LYPLAL1: variants seen among roughly 807,000 people sequenced by gnomAD.
The protein encoded by LYPLAL1 is lysophospholipase like 1, also known as lysophospholipase-like protein 1.
In LYPLAL1, 23 loss-of-function variants were observed where a neutral mutation model predicts 19.7. The ratio of observed to expected loss-of-function variants is 1.17; its 90% CI spans 0.84 to 1.65. LYPLAL1 has a LOEUF of 1.65. LYPLAL1 is among the 40% of genes most tolerant of loss of function. LYPLAL1 has a pLI of 0.00. For missense variants in LYPLAL1, 355 were observed against 279.4 expected, an observed-to-expected ratio of 1.27 and a Z score of -1.93; for synonymous variants, 119 against 96.3, an observed-to-expected ratio of 1.24 and a Z score of -1.38.
chr1:219,376,765 T>C, the LYPLAL1 span, among the ~76,000 whole-genome samples: 4 of 152,142 alleles, frequency 2.6e-5, no homozygotes, highest in African/African-American at 9.7e-5. Flanking sequence ...CAATGAGATA[T>C]CACTTCACGA....
the LYPLAL1 span, among the ~76,000 whole-genome samples, chr1:219,230,014 C>A: frequency 6.6e-6 from 1 of 152,226 alleles, no homozygotes; most frequent in African/African-American, 2.4e-5. Context: ...CTTTTAGTCA[C>A]GTAAATAAAA....
the LYPLAL1 span, among the ~76,000 whole-genome samples, chr1:219,239,483 A>C: frequency 6.6e-6 from 1 of 152,212 alleles, no homozygotes; most frequent in Non-Finnish European, 1.5e-5. Context: ...ATGACAATGA[A>C]ATTTTCTTTA....
chr1:219,426,416 G>C, the LYPLAL1 span, among the ~76,000 whole-genome samples: 7 of 152,152 alleles, frequency 4.6e-5, no homozygotes, highest in Admixed American at 1.3e-4. Flanking sequence ...TTGTATGACT[G>C]AGATTTTGCT....
chr1:219,330,450 T>C, the LYPLAL1 span, among the ~76,000 whole-genome samples: 2 of 152,202 alleles, frequency 1.3e-5, no homozygotes, highest in African/African-American at 4.8e-5. Context: ...TGCTAATTGC[T>C]TCTAGAGCAA....
the LYPLAL1 span, among the ~76,000 whole-genome samples, chr1:219,269,074 C>A: frequency 6.6e-6 from 1 of 152,226 alleles, no homozygotes; most frequent in Non-Finnish European, 1.5e-5. Flanking sequence ...CCATGGCCAG[C>A]AGTCTCTTCT....
rs372004280 is a variant in LYPLAL1, at chr1:219,193,095, A to G, written c.205A>G (p.Met69Val). ...GTTGTTAAACAGATCATATACTCCTATGAAAGGAGGAATCTCCAATGTATG... is the reference window on the plus strand; with the variant it reads ...GTTGTTAAACAGATCATATACTCCTGTGAAAGGAGGAATCTCCAATGTATG... ...PTAPPRSYTP[M>V]KGGISNVWFD... Residue 69 changes from methionine to valine, a missense_variant, in exon 3 of 5, where the codon ATG becomes GTG. Met to Val is a conservative substitution (Grantham distance 21). Transcript: ENST00000366928. The G allele has an allele frequency of 1.6e-5, 26 of 1,599,584 alleles. No homozygotes were observed. Among genetic ancestry groups the G allele is most frequent in the African/African-American group, 2.7e-5 (2 of 73,098 alleles).
the LYPLAL1 span, among the ~76,000 whole-genome samples, chr1:219,322,929 T>C: frequency 8.5e-5 from 13 of 152,228 alleles, no homozygotes; most frequent in African/African-American, 3.1e-4. Flanking sequence ...CTTTTCCCTT[T>C]GTTTCTACAT....
chr1:219,288,488 AGAAAATTTTCAGGGCAGT>A, the LYPLAL1 span, among the ~76,000 whole-genome samples: 1 of 152,226 alleles, frequency 6.6e-6, no homozygotes, highest in African/African-American at 2.4e-5. Context: ...ATTTATCTAC[AGAAAATTTTCAGGGCAGT>A]GAAAATTTTC....
chr1:219,360,501 A>G, the LYPLAL1 span, among the ~76,000 whole-genome samples: 2 of 152,204 alleles, frequency 1.3e-5, no homozygotes, highest in African/African-American at 4.8e-5. Flanking sequence ...AGAAAAGACC[A>G]TAATTATTTT....
At chr1:219,421,788 A>G in the LYPLAL1 span, among the ~76,000 whole-genome samples, 2 of 152,176 alleles carry the variant, frequency 1.3e-5, no homozygotes, top group East Asian at 3.8e-4. Flanking sequence ...TCGGAAAAAA[A>G]GGTAGATTTA....
chr1:219,266,949 C>G, the LYPLAL1 span, among the ~76,000 whole-genome samples: 1 of 152,142 alleles, frequency 6.6e-6, no homozygotes, highest in African/African-American at 2.4e-5. Context: ...ATAAATAGTT[C>G]TATAAAATTT....
At chr1:219,271,535 G>T in the LYPLAL1 span, 1 of 152,156 alleles carries the variant, frequency 6.6e-6, no homozygotes, top group African/African-American at 2.4e-5. Context: ...CCAATTAAAA[G>T]AATATGCATT....
chr1:219,255,880 C>G, the LYPLAL1 span, among the ~76,000 whole-genome samples: 2 of 151,510 alleles, frequency 1.3e-5, no homozygotes, highest in East Asian at 3.9e-4. Flanking sequence ...GCTCCTTTTT[C>G]TTTTAGTGTG....
the LYPLAL1 span, among the ~76,000 whole-genome samples, chr1:219,252,701 AT>A: frequency 6.6e-6 from 1 of 151,892 alleles, no homozygotes; most frequent in Non-Finnish European, 1.5e-5. Flanking sequence ...TTTGTTGAGG[AT>A]TTTTGCATCA....
Position 219,173,922 on chromosome 1 carries a change from GC to G in LYPLAL1, c.33del (p.Cys12ValfsTer13). On this transcript the variant is annotated frameshift_variant, in exon 1 of 5. Coordinates refer to ENST00000366928, the MANE Select transcript of LYPLAL1 (RefSeq NM_138794.5). LOFTEE classifies it high-confidence loss of function. Reference protein sequence around the residue: MAAASGSVLQRCIVSPAGRHS... With the variant: MAAASGSVLQXCIVSPAGRHS... ...GCTGCGTCGGGGTCGGTTCTGCAGCGCTGTATCGTGTCGCCGGCAGGGAGGC... is the reference window on the plus strand; with the variant it reads ...GCTGCGTCGGGGTCGGTTCTGCAGCGTGTATCGTGTCGCCGGCAGGGAGGC... 1 of 1,613,772 alleles carries G rather than the reference GC, an allele frequency of 6.2e-7. No homozygotes were observed. Among genetic ancestry groups the G allele is most frequent in the Non-Finnish European group, 8.5e-7 (1 of 1,179,964 alleles).
the LYPLAL1 span, among the ~76,000 whole-genome samples, chr1:219,382,219 A>G: frequency 6.6e-6 from 1 of 152,246 alleles, no homozygotes; most frequent in East Asian, 1.9e-4. Context: ...TTCCTTCAAA[A>G]TGAATACAAA....
the LYPLAL1 span, among the ~76,000 whole-genome samples, chr1:219,307,149 G>T: frequency 2.0e-5 from 3 of 151,916 alleles, no homozygotes; most frequent in East Asian, 5.8e-4. Context: ...TTGAGCAATG[G>T]AAGTATGTGG....
At chr1:219,265,393 C>T in the LYPLAL1 span, among the ~76,000 whole-genome samples, 2 of 152,174 alleles carry the variant, frequency 1.3e-5, no homozygotes, top group African/African-American at 2.4e-5. Flanking sequence ...TAAACAAGTA[C>T]ATGTTAACCC....
At chr1:219,246,586 T>C in the LYPLAL1 span, among the ~76,000 whole-genome samples, 3 of 152,078 alleles carry the variant, frequency 2.0e-5, no homozygotes, top group African/African-American at 4.8e-5. Flanking sequence ...CAACCTTAAT[T>C]TACATTGTTT....
Sources: allele counts gnomAD v4.1 joint callset (sites outside exome capture counted in the v4.1 genomes callset), GRCh38; gene constraint gnomAD v4.1.1; transcripts MANE v1.5; gene names NCBI Gene and HGNC (gene_info 2026-07-23, HGNC 2026-07-21).